FAM3D: variants seen among roughly 807,000 people sequenced by gnomAD.
FAM3D encodes protein FAM3D.
In FAM3D, 26 loss-of-function variants were observed where a neutral mutation model predicts 29.8. That is an observed-to-expected ratio of 0.87 (90% CI 0.64 to 1.21). The LOEUF (loss-of-function observed/expected upper bound fraction) is 1.21, where lower values mean the gene tolerates loss of function less well. FAM3D is among the 50% of genes most tolerant of loss of function. FAM3D has a pLI of 0.00. For synonymous variants in FAM3D, 115 were observed against 102.3 expected (o/e 1.12, Z -0.75); for missense variants, 253 against 290.9 (o/e 0.87, Z 0.95).
chr3:58,639,036 GC>G (rs1451384813), intron 7 of FAM3D, among the ~76,000 whole-genome samples: 1 of 152,216 alleles, frequency 6.6e-6, no homozygotes, highest in Non-Finnish European at 1.5e-5. Flanking sequence ...AGGACTACTT[GC>G]TCACAATGCT....
intron 7 of FAM3D, 78 bp from the exon 8 acceptor site, chr3:58,637,303 T>C: frequency 1.5e-6 from 2 of 1,362,430 alleles, no homozygotes; most frequent in South Asian, 2.5e-5. Flanking sequence ...TACTGCCCCA[T>C]GATGCAGGAG....
At chr3:58,644,524 A>C (rs544242345) in intron 5 of FAM3D, among the ~76,000 whole-genome samples, 1 of 152,334 alleles carries the variant, frequency 6.6e-6, no homozygotes, top group African/African-American at 2.4e-5. Flanking sequence ...GAGTCCATTA[A>C]AATCTTTTTC....
chr3:58,661,169 G>T (rs923928668), intron 1 of FAM3D, among the ~76,000 whole-genome samples: 6 of 152,174 alleles, frequency 3.9e-5, no homozygotes, highest in African/African-American at 1.4e-4. Context: ...CATTTGACCT[G>T]CGGGCTGTTG....
chr3:58,648,827 T>G (rs1316932760), intron 4 of FAM3D, among the ~76,000 whole-genome samples: 1 of 152,196 alleles, frequency 6.6e-6, no homozygotes, highest in Non-Finnish European at 1.5e-5. Flanking sequence ...TAGGCAGGTC[T>G]GGCATTTCCA....
intron 1 of FAM3D, among the ~76,000 whole-genome samples, chr3:58,663,624 A>G (rs1223466452): frequency 5.3e-5 from 8 of 152,188 alleles, no homozygotes; most frequent in Non-Finnish European, 1.2e-4. Context: ...TGAACACTTC[A>G]GTCCTCATGG....
intron 6 of FAM3D, among the ~76,000 whole-genome samples, chr3:58,641,655 A>T (rs2066338320): frequency 6.6e-6 from 1 of 152,226 alleles, no homozygotes. Flanking sequence ...GGCATGAGCC[A>T]CTGCACCCAG....
At position 58,636,345 on chromosome 3, in the gene FAM3D, G is replaced by T; in HGVS notation, c.534C>A (p.Ser178Arg). 6.2e-7 allele frequency: 1 copy of T among 1,614,216 alleles called. No individual in the cohort carries two copies. Among genetic ancestry groups the T allele is most frequent in the Non-Finnish European group, 8.5e-7 (1 of 1,180,032 alleles). Residue 178 changes from serine to arginine, a missense_variant, in exon 9 of 10, where the codon AGC becomes AGA. Ser to Arg is a moderately radical substitution (Grantham distance 110, BLOSUM62 -1). Transcript: ENST00000358781. The part of the protein sequence containing the change: ...SYAKQLGFRD[S>R]WVFIGAKDLR... ...GGTCTTTGGCTCCTATGAAGACCCA[G>T]CTGTCCCGGAAGCCCAGTTGTTTTG...
rs2066113478 is a variant in FAM3D at position 58,634,721 on chromosome 3, G to A, written c.586-353C>T. 6.6e-6 allele frequency among the ~76,000 whole-genome samples: 1 copy of A among 152,120 alleles called. No homozygotes were observed. Among genetic ancestry groups the A allele is most frequent in the South Asian group, 2.1e-4 (1 of 4,836 alleles). ...CTTGAGCGCTTGCTGTATGCCACGT[G>A]GTGTTCTGCAGGGCCTTATGTATTT... On this transcript the variant is annotated intron_variant, in intron 9 of 9. Transcript: ENST00000358781. The surrounding 1 kb of genome is among the most constrained non-coding windows in gnomAD (Gnocchi z 4.6).
rs6797055 is a variant in FAM3D, at chr3:58,642,743, C to A, written c.322+919G>T. ...TTGTGGTCTCCCTGCCTCCAGCCCCCCTACTCCAAGCTGGAGGGAGGTTTC... is the reference window on the plus strand; with the variant it reads ...TTGTGGTCTCCCTGCCTCCAGCCCCACTACTCCAAGCTGGAGGGAGGTTTC... On this transcript the variant is annotated intron_variant, in intron 6 of 9. Transcript: ENST00000358781. Among the ~76,000 whole-genome samples the A allele has an allele frequency of 5.0e-3, 760 of 152,074 alleles. 1 individual carries two copies. Among genetic ancestry groups the A allele is most frequent in the Non-Finnish European group, 9.3e-3 (631 of 67,982 alleles).
intron 4 of FAM3D, 47 bp downstream of exon 4, chr3:58,649,268 G>T: frequency 1.9e-6 from 3 of 1,604,670 alleles, no homozygotes; most frequent in Non-Finnish European, 2.6e-6. Flanking sequence ...GGAGCAGGGG[G>T]TGAGTGGATG....
At chr3:58,653,127 A>C (rs1387844840) in intron 3 of FAM3D, among the ~76,000 whole-genome samples, 1 of 152,134 alleles carries the variant, frequency 6.6e-6, no homozygotes, top group African/African-American at 2.4e-5. Context: ...AAACATAAAA[A>C]CCATAATGAC....
At chr3:58,646,422 G>T (rs1004871838) in intron 4 of FAM3D, among the ~76,000 whole-genome samples, 5 of 152,158 alleles carry the variant, frequency 3.3e-5, no homozygotes, top group Admixed American at 2.6e-4. Flanking sequence ...GTCCATGCCT[G>T]GGGGGAGATG....
At chr3:58,660,857 A>G (rs767966333) in intron 1 of FAM3D, among the ~76,000 whole-genome samples, 1 of 152,224 alleles carries the variant, frequency 6.6e-6, no homozygotes, top group Non-Finnish European at 1.5e-5. Context: ...ATGAAGAAGT[A>G]AGGGAAACTG....
At chr3:58,649,267 G>T (rs2066560533) in intron 4 of FAM3D, 48 bp downstream of exon 4, 2 of 1,604,060 alleles carry the variant, frequency 1.2e-6, no homozygotes, top group African/African-American at 2.7e-5. Flanking sequence ...GGGAGCAGGG[G>T]GTGAGTGGAT....
At chr3:58,652,137 T>C (rs992868261) in intron 3 of FAM3D, among the ~76,000 whole-genome samples, 1 of 152,196 alleles carries the variant, frequency 6.6e-6, no homozygotes, top group Non-Finnish European at 1.5e-5. Context: ...AGAAAGGATA[T>C]GAATCTGGGA....
chr3:58,634,373 A>G lies in FAM3D; in HGVS notation c.586-5T>C. 7.4e-6 allele frequency: 12 copies of G among 1,613,292 alleles called. No individual in the cohort carries two copies. Among genetic ancestry groups the G allele is most frequent in the Non-Finnish European group, 1.0e-5 (12 of 1,179,586 alleles). On this transcript the variant is annotated splice_region_variant and splice_polypyrimidine_tract_variant and intron_variant, in intron 9 of 9. Coordinates refer to ENST00000358781, the MANE Select transcript of FAM3D (RefSeq NM_138805.3). The surrounding 1 kb of genome is among the most constrained non-coding windows in gnomAD (Gnocchi z 4.6). The stretch of plus-strand genomic sequence containing the variant: ...GTCTGGGCTGTTCTTTAAGAACTAG[A>G]GAGAGAGAAGACAGAGAAATATAGG...
intron 4 of FAM3D, among the ~76,000 whole-genome samples, chr3:58,648,785 C>T (rs1328796886): frequency 1.3e-5 from 2 of 152,136 alleles, no homozygotes; most frequent in African/African-American, 2.4e-5. Context: ...GGGTGCCCCT[C>T]CTGGAACCCA....
intron 6 of FAM3D, among the ~76,000 whole-genome samples, chr3:58,641,287 T>C (rs2066324255): frequency 6.6e-6 from 1 of 152,214 alleles, no homozygotes; most frequent in Non-Finnish European, 1.5e-5. Flanking sequence ...AGGTGAATGA[T>C]TAAGACCTGC....
intron 1 of FAM3D, among the ~76,000 whole-genome samples, chr3:58,665,507 T>C (rs2067012998): frequency 6.6e-6 from 1 of 152,220 alleles, no homozygotes; most frequent in South Asian, 2.1e-4. Context: ...TTTCCCTTTC[T>C]GGTTAGAACC....
Sources: allele counts gnomAD v4.1 joint callset (sites outside exome capture counted in the v4.1 genomes callset), GRCh38; gene constraint gnomAD v4.1.1; non-coding constraint Gnocchi (gnomAD v3.1); transcripts MANE v1.5; gene names NCBI Gene and HGNC (gene_info 2026-07-23, HGNC 2026-07-21).